The following AK3 variants were observed in gnomAD, a reference collection of about 807,000 sequenced individuals.
The protein encoded by AK3 is GTP:AMP phosphotransferase AK3, mitochondrial.
Under a neutral mutation model 23.7 loss-of-function variants are expected in AK3, and 27 were observed. The ratio of observed to expected loss-of-function variants is 1.14; its 90% CI spans 0.84 to 1.57. The LOEUF is 1.57. Ranked by LOEUF, AK3 falls within the 40% of genes most tolerant of loss-of-function variation. The probability of loss-of-function intolerance (pLI) is 0.00; values close to 1 mark genes in which losing one functional copy is unlikely to be tolerated. For missense variants in AK3, 406 were observed against 285.6 expected (o/e 1.42, Z -3.04); for synonymous variants, 159 against 116.0 (o/e 1.37, Z -2.38).
intron 1 of AK3, among the ~76,000 whole-genome samples, chr9:4,734,604 T>G (rs1419510694): frequency 1.3e-5 from 2 of 152,250 alleles, no homozygotes; most frequent in African/African-American, 4.8e-5. Flanking sequence ...CCTAACTTAT[T>G]TTGTTAAAAA....
chr9:4,715,854 T>C (rs960604946), intron 4 of AK3, among the ~76,000 whole-genome samples: 1 of 152,176 alleles, frequency 6.6e-6, no homozygotes, highest in African/African-American at 2.4e-5. Flanking sequence ...AAATAACCTC[T>C]CCACCAAACT....
chr9:4,736,168 A>C (rs1842289107), intron 1 of AK3, among the ~76,000 whole-genome samples: 1 of 152,034 alleles, frequency 6.6e-6, no homozygotes. Flanking sequence ...AACTCTGTGA[A>C]TATATTAAAG....
At chr9:4,728,866 T>TATATATATACACAC (rs1395790351) in intron 1 of AK3, among the ~76,000 whole-genome samples, 353 of 87,620 alleles carry the variant, frequency 4.0e-3, no homozygotes, top group African/African-American at 7.7e-3. Context: ...TATATATATA[T>TATATATATACACAC]ACACACACAC....
chr9:4,733,128 G>A (rs572493238), intron 1 of AK3, among the ~76,000 whole-genome samples: 13 of 151,938 alleles, frequency 8.6e-5, no homozygotes, highest in African/African-American at 2.4e-4. Context: ...GGATTACAGG[G>A]GTGAGCCACC....
At position 4,710,374 on chromosome 9, in the gene AK3, A is replaced by ATTTTTTTTT. The variant is rs60408852; in HGVS notation, c.*2593_*2601dup. ...AGGCGCCCGCCACCATGCCCGGCTA[A>ATTTTTTTTT]TTTTTTTTTTTTTTTTTTGTATTTT... On this transcript the variant is annotated 3_prime_UTR_variant, in exon 5 of 5. Transcript: ENST00000381809. The ATTTTTTTTT allele has an allele frequency of 7.5e-6, 1 of 133,444 alleles. No individual in the cohort carries two copies. The highest frequency in any genetic ancestry group is 7.6e-5 in the Admixed American group (1 of 13,242). The allele number at this position is 133,444 out of a possible 1,614,324, so 8.3% of individuals were successfully genotyped here.
rs1443276747 is a variant in AK3 at position 4,711,655 on chromosome 9, A to G, written c.*1321T>C. On this transcript the variant is annotated 3_prime_UTR_variant, in exon 5 of 5. Transcript: ENST00000381809. ...TTGATTTGGCACGAAGTAAAGTAAGAGTAAATATGCCATGGAAGACATAAT... is the reference window on the plus strand; with the variant it reads ...TTGATTTGGCACGAAGTAAAGTAAGGGTAAATATGCCATGGAAGACATAAT... The G allele has an allele frequency of 1.3e-5, 2 of 152,260 alleles. No individual in the cohort carries two copies. The highest frequency in any genetic ancestry group is 4.8e-5 in the African/African-American group (2 of 41,464). 9.4% of individuals were successfully genotyped at this position (152,260 alleles called of 1,614,324 possible).
At chr9:4,741,270 G>C, upstream of AK3, 1 of 557,696 alleles carries the variant, frequency 1.8e-6, no homozygotes, top group Non-Finnish European at 2.7e-6. Context: ...GCGGGACCCC[G>C]CTGTTGCGTC....
upstream of AK3, chr9:4,741,402 G>C (rs1401682346): frequency 3.8e-6 from 1 of 262,800 alleles, no homozygotes; most frequent in African/African-American, 2.3e-5. Context: ...TCCCACCTGC[G>C]CCTCTCCGCG....
At chr9:4,723,718 TATAAG>T (rs1250556494) in intron 1 of AK3, among the ~76,000 whole-genome samples, 1 of 152,200 alleles carries the variant, frequency 6.6e-6, no homozygotes, top group Non-Finnish European at 1.5e-5. Flanking sequence ...ACACTCCAAA[TATAAG>T]ATATTTCGAA....
At chr9:4,720,293 T>A (rs1449241810) in intron 2 of AK3, among the ~76,000 whole-genome samples, 1 of 152,204 alleles carries the variant, frequency 6.6e-6, no homozygotes, top group Non-Finnish European at 1.5e-5. Flanking sequence ...AATACTTTGA[T>A]CACAAACTTC....
At chr9:4,716,772 AT>A (rs1397568177) in intron 4 of AK3, among the ~76,000 whole-genome samples, 1 of 152,052 alleles carries the variant, frequency 6.6e-6, no homozygotes, top group Admixed American at 6.6e-5. Context: ...TCTAAAAAAA[AT>A]TTTTTTAATT....
chr9:4,712,865 T>G lies in AK3; in HGVS notation c.*111A>C. On this transcript the variant is annotated 3_prime_UTR_variant, in exon 5 of 5. Transcript: ENST00000381809. ...ATAAAATCAGTAGAAATAAAAGTAA[T>G]ATAATTTTCAAAGAATTCATACATA... The G allele has an allele frequency of 8.2e-7, 1 of 1,214,544 alleles. No individual in the cohort carries two copies. Among genetic ancestry groups the G allele is most frequent in the Non-Finnish European group, 1.1e-6 (1 of 883,894 alleles). 75.2% of individuals were successfully genotyped at this position (1,214,544 alleles called of 1,614,324 possible). A position where few individuals can be genotyped will look rare whatever the true frequency, so the allele number is the denominator to read the frequency against.
chr9:4,725,464 A>T (rs1459250381), intron 1 of AK3, among the ~76,000 whole-genome samples: 1 of 152,126 alleles, frequency 6.6e-6, no homozygotes, highest in African/African-American at 2.4e-5. Flanking sequence ...TTTGTGCTTC[A>T]AAGAACATCA....
rs1334819035 is a variant in AK3, at chr9:4,728,984, T to TACAC, written c.152-6360_152-6359insGTGT. On this transcript the variant is annotated intron_variant, in intron 1 of 4. Transcript: ENST00000381809. ...ACATACATATATATACCTACATATA[T>TACAC]ATACACACACACACATATATATATA... Among the ~76,000 whole-genome samples, 529 of 64,002 alleles carry TACAC rather than the reference T, an allele frequency of 8.3e-3. 6 individuals are homozygous for TACAC. Among genetic ancestry groups the TACAC allele is most frequent in the South Asian group, 0.022 (44 of 2,004 alleles). The allele number at this position is 64,002 out of a possible 152,430, so 42.0% of individuals were successfully genotyped here.
intron 1 of AK3, among the ~76,000 whole-genome samples, chr9:4,736,458 A>ATGTT (rs1377767296): frequency 8.1e-6 from 1 of 123,932 alleles, no homozygotes; most frequent in African/African-American, 3.0e-5. Context: ...TACAAATTAA[A>ATGTT]TGTTTTACCA....
At chr9:4,730,148 G>A (rs1842120081) in intron 1 of AK3, among the ~76,000 whole-genome samples, 1 of 152,174 alleles carries the variant, frequency 6.6e-6, no homozygotes, top group Admixed American at 6.5e-5. Flanking sequence ...ATGGAAAGAA[G>A]ATTAGTAGTT....
At chr9:4,714,819 C>G (rs1236099462) in intron 4 of AK3, among the ~76,000 whole-genome samples, 1 of 152,186 alleles carries the variant, frequency 6.6e-6, no homozygotes, top group African/African-American at 2.4e-5. Flanking sequence ...ATACAACTGT[C>G]AGCATTTCTA....
intron 2 of AK3, among the ~76,000 whole-genome samples, chr9:4,721,617 C>T (rs1047557374): frequency 6.6e-6 from 1 of 152,008 alleles, no homozygotes; most frequent in Admixed American, 6.6e-5. Context: ...CGCCATCACG[C>T]CCGGCTAATT....
At chr9:4,737,068 A>G (rs1842311278) in intron 1 of AK3, among the ~76,000 whole-genome samples, 1 of 144,836 alleles carries the variant, frequency 6.9e-6, no homozygotes, top group Non-Finnish European at 1.5e-5. Flanking sequence ...ACCATAGTTG[A>G]ACTATTATTC....
Sources: gnomAD v4.1 joint callset for allele counts (sites outside exome capture counted in the v4.1 genomes callset) on GRCh38, gnomAD v4.1.1 for gene constraint, MANE v1.5 for transcripts, NCBI Gene and HGNC (gene_info 2026-07-23, HGNC 2026-07-21) for gene names.